PHACTR3: variants seen among roughly 807,000 people sequenced by gnomAD.
PHACTR3 encodes the protein protein phosphatase 1, regulatory subunit 123.
A neutral mutation model predicts 66.8 loss-of-function variants in PHACTR3; 16 were observed. The ratio of observed to expected loss-of-function variants is 0.24; its 90% confidence interval spans 0.16 to 0.36. The LOEUF (loss-of-function observed/expected upper bound fraction) is 0.36. Ranked by LOEUF, PHACTR3 falls within the 10% of genes least tolerant of loss-of-function variation. The pLI, the probability that PHACTR3 is intolerant of heterozygous loss-of-function variation, is 1.00. For missense variants in PHACTR3, 647 were observed against 719.9 expected, an observed-to-expected ratio of 0.90 and a Z score of 1.16; for synonymous variants, 323 against 292.1, an observed-to-expected ratio of 1.11 and a Z score of -1.08.
chr20:59,843,885 CAG>C (rs933075688), intron 11 of PHACTR3: 4 of 151,842 alleles, frequency 2.6e-5, no homozygotes, highest in African/African-American at 9.7e-5. Flanking sequence ...AAAGAGACAA[CAG>C]GGAATATGAG....
Position 59,637,852 on chromosome 20 carries a change from C to G in PHACTR3, c.118+32720C>G, listed in dbSNP as rs371191331. ...GTGGTGGTTCTATGAGGGTGGCTAC[C>G]ATTTTTCTTGAGGGACTGCTTTTAT... On this transcript the variant is annotated intron_variant, in intron 1 of 12. Transcript: ENST00000371015. 1.6e-3 allele frequency among the ~76,000 whole-genome samples: 246 copies of G among 152,226 alleles called. 2 individuals carry two copies. The highest frequency in any genetic ancestry group is 0.015 in the South Asian group (70 of 4,816).
In PHACTR3 at chr20:59,767,326, C is replaced by G; in HGVS notation, c.682C>G (p.Leu228Val). The G allele has an allele frequency of 6.2e-7, 1 of 1,614,188 alleles. No homozygotes were observed. The highest frequency in any genetic ancestry group is 1.1e-5 in the South Asian group (1 of 91,082). Residue 228 changes from leucine (L) to valine (V), a missense_variant, in exon 5 of 13, where the codon CTC becomes GTC. Leu to Val is a conservative substitution (Grantham distance 32). Transcript: ENST00000371015. ...PRPLERSVGQ[L>V]PSPPLLPTPP... is the part of the protein sequence containing the mutation. ...ACCTCTGGAGAGATCCGTGGGCCAGCTCCCCAGCCCCCCACTGCTGCCCAC... is the reference window on the plus strand; with the variant it reads ...ACCTCTGGAGAGATCCGTGGGCCAGGTCCCCAGCCCCCCACTGCTGCCCAC...
At chr20:59,678,965 TG>T (rs576468250) in intron 1 of PHACTR3, among the ~76,000 whole-genome samples, 1 of 74,502 alleles carries the variant, frequency 1.3e-5, no homozygotes, top group African/African-American at 4.9e-5. Context: ...CTGGGTGGGG[TG>T]GGGGGGCAAG....
At position 59,841,416 on chromosome 20, in the gene PHACTR3, G is replaced by A. The variant is rs1443366464; in HGVS notation, c.1468G>A (p.Asp490Asn). Residue 490 changes from aspartate to asparagine, a missense_variant, in exon 11 of 13, where the codon GAT becomes AAT. Asp to Asn is a conservative substitution (Grantham distance 23). Coordinates refer to ENST00000371015, the MANE Select transcript of PHACTR3 (RefSeq NM_080672.5). The part of the protein sequence containing the change: ...TRKLNQRPTV[D>N]ELRDRKILIR... ...TTAGCTTAATCAGAGACCCACTGTT[G>A]ATGAATTAAGAGACAGAAAAATTCT... The A allele has an allele frequency of 5.0e-6, 8 of 1,612,704 alleles. No homozygotes were observed. Among genetic ancestry groups the A allele is most frequent in the East Asian group, 2.2e-5 (1 of 44,862 alleles).
In PHACTR3 at chr20:59,827,533, C is replaced by G. The variant is rs568452689; in HGVS notation, c.1329-8972C>G. Among the ~76,000 whole-genome samples the G allele has an allele frequency of 4.3e-4, 65 of 152,264 alleles. 1 individual carries two copies. Among genetic ancestry groups the G allele is most frequent in the African/African-American group, 1.5e-3 (64 of 41,566 alleles). On this transcript the variant is annotated intron_variant, in intron 8 of 12. Transcript: ENST00000371015. ...AGGGCACAGCGGCCTGGCTAGCCCC[C>G]TCACATACGGCTCTCTCCTTTCAGT...
At position 59,749,827 on chromosome 20, in the gene PHACTR3, A is replaced by AT. The variant is rs565191503; in HGVS notation, c.358+2001dup. Among the ~76,000 whole-genome samples the AT allele has an allele frequency of 5.5e-3, 827 of 151,426 alleles. 8 individuals carry two copies. Among genetic ancestry groups the AT allele is most frequent in the African/African-American group, 0.018 (744 of 41,238 alleles). On this transcript the variant is annotated intron_variant, in intron 3 of 12. Coordinates refer to ENST00000371015, the MANE Select transcript of PHACTR3 (RefSeq NM_080672.5). Reference sequence around the variant, plus strand: ...GCCACAAACTATTATTTTTCTTTTGATTTTTTTTTCTTTTGTCAACCATTT... The same window carrying AT: ...GCCACAAACTATTATTTTTCTTTTGATTTTTTTTTTCTTTTGTCAACCATTT...
intron 1 of PHACTR3, among the ~76,000 whole-genome samples, chr20:59,694,067 CCA>C (rs1271975482): frequency 6.6e-6 from 1 of 152,142 alleles, no homozygotes; most frequent in Non-Finnish European, 1.5e-5. Context: ...GCCTCACTGA[CCA>C]CATAGAGGGT....
In PHACTR3 at chr20:59,824,251, T is replaced by A. The variant is rs57368024; in HGVS notation, c.1329-12254T>A. On this transcript the variant is annotated intron_variant, in intron 8 of 12. Transcript: ENST00000371015. ...GACCCCACCCCCCATACCATTCAGG[T>A]TGACACATCAAATTGACCCTCACAG... is the stretch of plus-strand genomic sequence containing the variant. 4.2e-3 allele frequency among the ~76,000 whole-genome samples: 644 copies of A among 152,160 alleles called. 3 individuals are homozygous for A. Among genetic ancestry groups the A allele is most frequent in the African/African-American group, 0.014 (601 of 41,522 alleles).
At chr20:59,811,520 G>A (rs555670555) in intron 8 of PHACTR3, among the ~76,000 whole-genome samples, 75 of 152,286 alleles carry the variant, frequency 4.9e-4, no homozygotes, top group Non-Finnish European at 7.8e-4. Flanking sequence ...TTAGCCAGGC[G>A]TGGTGGCAGG....
chr20:59,633,060 TGAGAG>T (rs913298434), intron 1 of PHACTR3, among the ~76,000 whole-genome samples: 5 of 152,102 alleles, frequency 3.3e-5, no homozygotes, highest in Non-Finnish European at 5.9e-5. Context: ...GATGGGGAGA[TGAGAG>T]GAGACATCTA....
chr20:59,847,396 T>G lies in PHACTR3; in HGVS notation c.*266T>G. On this transcript the variant is annotated 3_prime_UTR_variant, in exon 13 of 13. Transcript: ENST00000371015. ...CAACATAACTCTATCAGAAGAAAAC[T>G]GTTGTTTGCCTTTCAACCTTGTTTT... is the stretch of plus-strand genomic sequence containing the variant. The G allele has an allele frequency of 2.9e-6, 1 of 345,844 alleles. No individual in the cohort carries two copies. The highest frequency in any genetic ancestry group is 5.4e-6 in the Non-Finnish European group (1 of 185,272). The allele number at this position is 345,844 out of a possible 1,614,324, so 21.4% of individuals were successfully genotyped here.
Position 59,738,308 on chromosome 20 carries a change from A to C in PHACTR3, c.119-4799A>C, listed in dbSNP as rs2039027855. Among the ~76,000 whole-genome samples the C allele has an allele frequency of 6.6e-6, 1 of 151,772 alleles. No individual in the cohort carries two copies. The highest frequency in any genetic ancestry group is 1.5e-5 in the Non-Finnish European group (1 of 67,962). On this transcript the variant is annotated intron_variant, in intron 1 of 12. Transcript: ENST00000371015. The surrounding 1 kb of genome is among the most constrained non-coding windows in gnomAD (Gnocchi z 4.4). ...GCTTCCATGGCACATGGCAAGCACTAATGCACAATAAGGATGATAATAAGG... is the reference window on the plus strand; with the variant it reads ...GCTTCCATGGCACATGGCAAGCACTCATGCACAATAAGGATGATAATAAGG...
At chr20:59,831,683 C>A (rs552989220) in intron 8 of PHACTR3, among the ~76,000 whole-genome samples, 28 of 152,288 alleles carry the variant, frequency 1.8e-4, no homozygotes, top group Admixed American at 3.9e-4. Context: ...TATGCTCCGG[C>A]CACGTCTCTA....
intron 1 of PHACTR3, among the ~76,000 whole-genome samples, chr20:59,627,542 T>A (rs1329786098): frequency 6.6e-6 from 1 of 152,126 alleles, no homozygotes; most frequent in Non-Finnish European, 1.5e-5. Context: ...AAATCAATGC[T>A]CTGTTCAGCT....
At chr20:59,730,610 A>C (rs571992415) in intron 1 of PHACTR3, among the ~76,000 whole-genome samples, 1 of 152,304 alleles carries the variant, frequency 6.6e-6, no homozygotes, top group African/African-American at 2.4e-5. Context: ...AAGTGAAATG[A>C]AGATAAGAGA....
chr20:59,778,621 C>T (rs189154436), intron 7 of PHACTR3, among the ~76,000 whole-genome samples: 11 of 152,210 alleles, frequency 7.2e-5, no homozygotes, highest in Admixed American at 3.3e-4. Flanking sequence ...ATGGGCTCCG[C>T]GAGACCAAGT....
Position 59,844,547 on chromosome 20 carries a change from T to C in PHACTR3, c.1588-642T>C, listed in dbSNP as rs150787487. The C allele has an allele frequency of 1.1e-3, 174 of 152,262 alleles. 1 individual carries two copies. The highest frequency in any genetic ancestry group is 4.0e-3 in the African/African-American group (166 of 41,562). The allele number at this position is 152,262 out of a possible 1,614,324, so 9.4% of individuals were successfully genotyped here. On this transcript the variant is annotated intron_variant, in intron 11 of 12. Coordinates refer to ENST00000371015, the MANE Select transcript of PHACTR3 (RefSeq NM_080672.5). The stretch of plus-strand genomic sequence containing the variant: ...ATCCAGTCATTTTTGACAACATGTA[T>C]GGAACTGGATGTTATTATGTTAAAT...
intron 1 of PHACTR3, among the ~76,000 whole-genome samples, chr20:59,741,316 G>T (rs1476875243): frequency 6.6e-6 from 1 of 152,246 alleles, no homozygotes; most frequent in African/African-American, 2.4e-5. Flanking sequence ...TGTTCGCAGG[G>T]CGAGGGGTCC....
intron 1 of PHACTR3, among the ~76,000 whole-genome samples, chr20:59,653,825 C>A (rs2051243078): frequency 6.6e-6 from 1 of 152,194 alleles, no homozygotes; most frequent in South Asian, 2.1e-4. Flanking sequence ...CTTAAAATAT[C>A]TATTTCATAA....
Sources: gnomAD v4.1 joint callset for allele counts (sites outside exome capture counted in the v4.1 genomes callset) on GRCh38, gnomAD v4.1.1 for gene constraint, Gnocchi (gnomAD v3.1) non-coding constraint, MANE v1.5 for transcripts, NCBI Gene and HGNC (gene_info 2026-07-23, HGNC 2026-07-21) for gene names.